Variants in MYO3A observed in about 807,000 individuals in gnomAD.
The protein encoded by MYO3A is myosin-IIIa.
In MYO3A, 180 loss-of-function variants were observed where a neutral mutation model predicts 192.7. The ratio of observed to expected loss-of-function variants is 0.93; its 90% CI spans 0.83 to 1.06. The LOEUF is 1.06. Ranked by LOEUF, MYO3A falls within the 50% of genes least tolerant of loss-of-function variation. The pLI, the probability that MYO3A is intolerant of heterozygous loss-of-function variation, is 0.00. For missense variants in MYO3A, 1,896 were observed against 1,905.0 expected (o/e 1.00, Z 0.09); for synonymous variants, 628 against 645.3 (o/e 0.97, Z 0.41).
intron 19 of MYO3A, among the ~76,000 whole-genome samples, chr10:26,128,166 C>G (rs1839322613): frequency 1.3e-5 from 2 of 152,206 alleles, no homozygotes; most frequent in East Asian, 3.9e-4. Context: ...GGAGTGGTTT[C>G]TGTAGTTCAA....
At chr10:26,192,427 C>A (rs924981813) in intron 31 of MYO3A, among the ~76,000 whole-genome samples, 2 of 152,082 alleles carry the variant, frequency 1.3e-5, no homozygotes. Context: ...AAATGAAGAT[C>A]GTGCAGTGCT....
chr10:25,950,563 G>A (rs182633742), intron 2 of MYO3A, among the ~76,000 whole-genome samples: 95 of 152,204 alleles, frequency 6.2e-4, no homozygotes, highest in African/African-American at 1.9e-3. Flanking sequence ...TCTCAGTTAT[G>A]GGCACAGATG....
intron 31 of MYO3A, among the ~76,000 whole-genome samples, chr10:26,177,253 A>G (rs1310110254): frequency 6.6e-6 from 1 of 152,174 alleles, no homozygotes; most frequent in African/African-American, 2.4e-5. Context: ...AAACCCCATT[A>G]TACAAGAAGT....
intron 17 of MYO3A, among the ~76,000 whole-genome samples, chr10:26,104,895 A>ACACC (rs529236907): frequency 1.4e-3 from 214 of 150,272 alleles, no homozygotes; most frequent in Non-Finnish European, 2.8e-3. Flanking sequence ...ACACACACAC[A>ACACC]CCCATGCAGA....
rs374735949 is a variant in MYO3A, at chr10:26,143,063, G to A, written c.2263-385G>A. On this transcript the variant is annotated intron_variant, in intron 20 of 34. Coordinates refer to ENST00000642920, the MANE Select transcript of MYO3A (RefSeq NM_017433.5). ...GAGCAAGGTCAGGCCGGGCGCGGTG[G>A]CTCATGCCTGTAATCCCAGCACTTT... 6.6e-5 allele frequency among the ~76,000 whole-genome samples: 10 copies of A among 152,286 alleles called. No homozygotes were observed. The East Asian group carries it at 1.9e-3, about 29-fold the overall frequency.
At chr10:26,169,420 A>G in intron 28 of MYO3A, among the ~76,000 whole-genome samples, 1 of 152,150 alleles carries the variant, frequency 6.6e-6, no homozygotes, top group Non-Finnish European at 1.5e-5. Context: ...GTCACAGCCT[A>G]GTATGCTCTC....
chr10:26,145,084 C>G (rs1347295362), intron 21 of MYO3A, among the ~76,000 whole-genome samples: 1 of 151,138 alleles, frequency 6.6e-6, no homozygotes, highest in African/African-American at 2.4e-5. Flanking sequence ...GAGGCTGAGG[C>G]AGGAGAATCA....
At chr10:26,093,684 C>G (rs1260983928) in intron 15 of MYO3A, among the ~76,000 whole-genome samples, 2 of 152,104 alleles carry the variant, frequency 1.3e-5, no homozygotes, top group Non-Finnish European at 2.9e-5. Context: ...TTTCTCTACA[C>G]TCTCTCACTT....
At chr10:26,117,168 A>G (rs1052776703) in intron 17 of MYO3A, among the ~76,000 whole-genome samples, 1 of 152,204 alleles carries the variant, frequency 6.6e-6, no homozygotes, top group African/African-American at 2.4e-5. Context: ...GCAACTCTGT[A>G]TACAGCCAAG....
intron 14 of MYO3A, among the ~76,000 whole-genome samples, chr10:26,087,208 AT>A (rs1168825647): frequency 1.3e-5 from 2 of 152,190 alleles, no homozygotes; most frequent in Non-Finnish European, 2.9e-5. Context: ...AGCCCAAAGC[AT>A]TTTAAAGAGC....
chr10:26,212,303 C>G lies in MYO3A; in HGVS notation c.*340C>G, dbSNP rs1282863473. 3 of 403,524 alleles carry G rather than the reference C, an allele frequency of 7.4e-6. No individual in the cohort carries two copies. In the East Asian group the frequency reaches 1.1e-4, roughly 14 times the overall value. 25.0% of individuals were successfully genotyped at this position (403,524 alleles called of 1,614,324 possible). A position where few individuals can be genotyped will look rare whatever the true frequency, so the allele number is the denominator to read the frequency against. ...GTGACTCCTGTGGACTCCACTGCGC[C>G]TGGGATCTCGCCAACCCCTCTCTCA... On this transcript the variant is annotated 3_prime_UTR_variant, in exon 35 of 35. Transcript: ENST00000642920.
intron 17 of MYO3A, among the ~76,000 whole-genome samples, chr10:26,103,345 C>T (rs529431475): frequency 2.6e-5 from 4 of 152,310 alleles, no homozygotes; most frequent in East Asian, 3.9e-4. Flanking sequence ...CCAGGTGAGG[C>T]GATGCCCTGC....
At chr10:25,946,520 CT>C (rs35754342) in intron 2 of MYO3A, among the ~76,000 whole-genome samples, 4,476 of 142,046 alleles carry the variant, frequency 0.032, 190 homozygotes, top group African/African-American at 0.099. Flanking sequence ...TTAAGTTTCC[CT>C]TTTTTTTTTT....
At chr10:26,146,957 T>C (rs550530243) in intron 22 of MYO3A, among the ~76,000 whole-genome samples, 1 of 152,252 alleles carries the variant, frequency 6.6e-6, no homozygotes, top group East Asian at 1.9e-4. Flanking sequence ...TAAACTTTTT[T>C]TTAAGTAATA....
intron 17 of MYO3A, among the ~76,000 whole-genome samples, chr10:26,110,799 GA>G (rs1838119394): frequency 6.6e-6 from 1 of 151,896 alleles, no homozygotes; most frequent in South Asian, 2.1e-4. Flanking sequence ...AACAAGGTCT[GA>G]ACTGTAGGAC....
In MYO3A at chr10:26,062,530, A is replaced by AAAAAAAAAAAAACG. The variant is rs1554816581; in HGVS notation, c.954-4442_954-4441insAAAAAAAAACGAAA. 1.0e-4 allele frequency among the ~76,000 whole-genome samples: 13 copies of AAAAAAAAAAAAACG among 125,942 alleles called. 1 individual carries two copies. Among genetic ancestry groups the AAAAAAAAAAAAACG allele is most frequent in the Non-Finnish European group, 1.4e-4 (8 of 58,512 alleles). The allele number at this position is 125,942 out of a possible 152,430, so 82.6% of individuals were successfully genotyped here. ...GATGCCATCTCAAAAAAAAAAAAAA[A>AAAAAAAAAAAAACG]AAATTATGGAGGAATCTAATTAAGA... is the stretch of plus-strand genomic sequence containing the variant. On this transcript the variant is annotated intron_variant, in intron 10 of 34. Transcript: ENST00000642920.
chr10:26,048,713 C>T (rs72795825), intron 10 of MYO3A, among the ~76,000 whole-genome samples: 12 of 151,974 alleles, frequency 7.9e-5, no homozygotes, highest in African/African-American at 2.7e-4. Flanking sequence ...TATTGTGGTC[C>T]TGCTAAATTT....
intron 3 of MYO3A, among the ~76,000 whole-genome samples, chr10:25,953,614 T>C (rs1588649972): frequency 6.6e-6 from 1 of 152,216 alleles, no homozygotes; most frequent in East Asian, 1.9e-4. Flanking sequence ...CCAATCCCAT[T>C]GTCTGGCCCC....
intron 2 of MYO3A, among the ~76,000 whole-genome samples, chr10:25,951,726 T>A (rs1837220157): frequency 6.6e-6 from 1 of 152,194 alleles, no homozygotes; most frequent in Non-Finnish European, 1.5e-5. Flanking sequence ...AATGAGGAAG[T>A]TGAATTTTAT....
Sources: allele counts gnomAD v4.1 joint callset (sites outside exome capture counted in the v4.1 genomes callset), GRCh38; gene constraint gnomAD v4.1.1; transcripts MANE v1.5; gene names NCBI Gene and HGNC (gene_info 2026-07-23, HGNC 2026-07-21).